The following PACS1 variants were observed in gnomAD, a reference collection of about 807,000 sequenced individuals.
PACS1 encodes PACS-1.
Under a neutral mutation model 115.0 loss-of-function variants are expected in PACS1, and 24 were observed. That is an observed-to-expected ratio of 0.21 (90% CI 0.15 to 0.29). PACS1 has a LOEUF of 0.29. Ranked by LOEUF, PACS1 falls within the 10% of genes least tolerant of loss-of-function variation. The pLI, the probability that PACS1 is intolerant of heterozygous loss-of-function variation, is 1.00. For missense variants in PACS1, 838 were observed against 1,251.2 expected, an observed-to-expected ratio of 0.67 and a Z score of 4.98; for synonymous variants, 453 against 504.5, an observed-to-expected ratio of 0.90 and a Z score of 1.37.
At position 66,117,869 on chromosome 11, in the gene PACS1, G is replaced by A. The variant is rs189771540; in HGVS notation, c.356+47027G>A. On this transcript the variant is annotated intron_variant, in intron 1 of 23. Coordinates refer to ENST00000320580, the MANE Select transcript of PACS1 (RefSeq NM_018026.4). Reference sequence around the variant, plus strand: ...TCAAAAAAAAAGAAAAAAAAAAGATGTTTGTTTCCTCTTTGATGCTTTATG... The same window carrying A: ...TCAAAAAAAAAGAAAAAAAAAAGATATTTGTTTCCTCTTTGATGCTTTATG... Among the ~76,000 whole-genome samples the A allele has an allele frequency of 2.9e-3, 434 of 152,154 alleles. 2 individuals carry two copies. The highest frequency in any genetic ancestry group is 0.014 in the Middle Eastern group (4 of 294).
intron 1 of PACS1, among the ~76,000 whole-genome samples, chr11:66,110,146 T>C (rs568726475): frequency 6.6e-6 from 1 of 152,312 alleles, no homozygotes; most frequent in Non-Finnish European, 1.5e-5. Context: ...TCTGAAAGCA[T>C]TGAGATTGAG....
At chr11:66,208,691 A>AAAAG (rs1855002370) in intron 2 of PACS1, among the ~76,000 whole-genome samples, 2 of 148,086 alleles carry the variant, frequency 1.4e-5, no homozygotes, top group African/African-American at 5.0e-5. Flanking sequence ...AAAAAGAAAG[A>AAAAG]AAGGAAGGAA....
chr11:66,106,763 G>C (rs1000169965), intron 1 of PACS1, among the ~76,000 whole-genome samples: 3 of 141,628 alleles, frequency 2.1e-5, no homozygotes, highest in African/African-American at 7.8e-5. Context: ...CTGTCTCAGA[G>C]AAAAAAAAAA....
At chr11:66,158,113 C>T (rs899612622) in intron 1 of PACS1, among the ~76,000 whole-genome samples, 3 of 152,114 alleles carry the variant, frequency 2.0e-5, no homozygotes, top group African/African-American at 4.8e-5. Flanking sequence ...ACTACAGATA[C>T]GCGCCACCAC....
rs140170714 is a variant in PACS1 at position 66,082,682 on chromosome 11, C to T, written c.356+11840C>T. 3.6e-3 allele frequency among the ~76,000 whole-genome samples: 554 copies of T among 152,048 alleles called. 3 individuals carry two copies. Among genetic ancestry groups the T allele is most frequent in the African/African-American group, 0.012 (506 of 41,494 alleles). On this transcript the variant is annotated intron_variant, in intron 1 of 23. Coordinates refer to ENST00000320580, the MANE Select transcript of PACS1 (RefSeq NM_018026.4). ...TTACCTGGCCAACATGGTGAAACTC[C>T]ATCTTTACTAAAAATACAAAAAAAT...
intron 1 of PACS1, among the ~76,000 whole-genome samples, chr11:66,160,968 C>G (rs1485482359): frequency 1.3e-5 from 2 of 152,056 alleles, no homozygotes; most frequent in Non-Finnish European, 2.9e-5. Flanking sequence ...TATTCAGGTC[C>G]CGCTGTTTAC....
chr11:66,088,029 C>A (rs993029119), intron 1 of PACS1, among the ~76,000 whole-genome samples: 2 of 151,856 alleles, frequency 1.3e-5, no homozygotes, highest in East Asian at 3.9e-4. Flanking sequence ...GTGTGTGTAT[C>A]CTCTTTTATG....
chr11:66,141,022 T>C (rs1371589521), intron 1 of PACS1, among the ~76,000 whole-genome samples: 1 of 152,190 alleles, frequency 6.6e-6, no homozygotes, highest in Admixed American at 6.5e-5. Context: ...TATTTACTGA[T>C]GGACTTCAGA....
At chr11:66,165,273 C>T (rs115181606) in intron 1 of PACS1, among the ~76,000 whole-genome samples, 138 of 152,276 alleles carry the variant, frequency 9.1e-4, no homozygotes, top group African/African-American at 3.2e-3. Context: ...CGTGTCCTTC[C>T]GGTTTTCCTC....
intron 22 of PACS1, 130 bp from the exon 23 acceptor site, chr11:66,242,782 G>A (rs1256479096): frequency 6.4e-6 from 8 of 1,242,812 alleles, no homozygotes; most frequent in Non-Finnish European, 9.1e-6. Context: ...ACAGCCCAGT[G>A]CCAGGGAGGA....
At chr11:66,239,393 C>A in intron 21 of PACS1, 116 bp downstream of exon 21, 2 of 1,257,996 alleles carry the variant, frequency 1.6e-6, no homozygotes, top group Non-Finnish European at 2.2e-6. Context: ...CGTGGTAGTG[C>A]ACACCTGTGG....
At chr11:66,203,437 C>T (rs1487794890) in intron 2 of PACS1, among the ~76,000 whole-genome samples, 1 of 152,010 alleles carries the variant, frequency 6.6e-6, no homozygotes, top group Non-Finnish European at 1.5e-5. Flanking sequence ...CCAAAGCAAT[C>T]TACAGATTCA....
rs138009664 is a variant in PACS1 at position 66,210,464 on chromosome 11, T to C, written c.534+13T>C. ...CTTCTCCCTTCAGGTGAGACTCTCC[T>C]AATCTTAGGCCCCTAACATGCTATA... On this transcript the variant is annotated intron_variant, in intron 3 of 23. Transcript: ENST00000320580. 1,008 of 1,566,720 alleles carry C rather than the reference T, an allele frequency of 6.4e-4. 5 individuals carry two copies. The African/African-American group carries it at 0.012, about 19-fold the overall frequency.
At chr11:66,228,312 G>T (rs989859647) in intron 11 of PACS1, among the ~76,000 whole-genome samples, 2 of 152,046 alleles carry the variant, frequency 1.3e-5, no homozygotes, top group African/African-American at 2.4e-5. Context: ...TGAGCCTCAC[G>T]GTGGGACCTG....
chr11:66,216,459 C>T (rs1855211463), intron 5 of PACS1, 61 bp from the exon 6 acceptor site: 8 of 1,505,156 alleles, frequency 5.3e-6, no homozygotes, highest in African/African-American at 2.7e-5. Context: ...TCCAGCCCAT[C>T]GAAGTTTCTT....
intron 1 of PACS1, among the ~76,000 whole-genome samples, chr11:66,165,704 A>G (rs919861323): frequency 2.0e-5 from 3 of 149,160 alleles, no homozygotes; most frequent in Admixed American, 1.3e-4. Context: ...TATTTGCCCC[A>G]TACCCTGTGG....
chr11:66,087,132 C>T (rs559745488), intron 1 of PACS1, among the ~76,000 whole-genome samples: 39 of 152,118 alleles, frequency 2.6e-4, no homozygotes, highest in Non-Finnish European at 3.1e-4. Flanking sequence ...TACCACCCCT[C>T]CCACTCCACC....
intron 10 of PACS1, among the ~76,000 whole-genome samples, chr11:66,221,884 G>A (rs978138290): frequency 6.6e-6 from 1 of 152,152 alleles, no homozygotes; most frequent in Non-Finnish European, 1.5e-5. Context: ...GGGAGGCCAG[G>A]GCGGGTGGAT....
chr11:66,211,524 G>T (rs371827040), intron 4 of PACS1, among the ~76,000 whole-genome samples: 1 of 152,262 alleles, frequency 6.6e-6, no homozygotes, highest in East Asian at 1.9e-4. Flanking sequence ...AAAGTTACAA[G>T]AATAGTACAA....
Sources: gnomAD v4.1 joint callset for allele counts (sites outside exome capture counted in the v4.1 genomes callset) on GRCh38, gnomAD v4.1.1 for gene constraint, MANE v1.5 for transcripts, NCBI Gene and HGNC (gene_info 2026-07-23, HGNC 2026-07-21) for gene names.